GPR176: variants seen among roughly 807,000 people sequenced by gnomAD.
GPR176 encodes G-protein coupled receptor 176.
A neutral mutation model predicts 35.4 loss-of-function variants in GPR176; 26 were observed. That is an observed-to-expected ratio of 0.74 (90% CI 0.54 to 1.02). The LOEUF (loss-of-function observed/expected upper bound fraction) is 1.02. GPR176 is among the 50% of genes least tolerant of loss of function. The pLI, the probability that GPR176 is intolerant of heterozygous loss-of-function variation, is 0.00. For synonymous variants in GPR176, 278 were observed against 271.3 expected (o/e 1.02, Z -0.24); for missense variants, 597 against 665.3 (o/e 0.90, Z 1.13).
intron 1 of GPR176, among the ~76,000 whole-genome samples, chr15:39,916,402 G>C (rs1440150860): frequency 1.3e-5 from 2 of 152,128 alleles, no homozygotes; most frequent in Non-Finnish European, 2.9e-5. Flanking sequence ...CATATTATTT[G>C]AATAATATTA....
intron 1 of GPR176, among the ~76,000 whole-genome samples, chr15:39,892,907 C>T (rs1017996562): frequency 1.3e-5 from 2 of 152,222 alleles, no homozygotes; most frequent in Non-Finnish European, 2.9e-5. Flanking sequence ...GAAACTAATG[C>T]GGCCAAGCTC....
intron 1 of GPR176, among the ~76,000 whole-genome samples, chr15:39,879,513 T>C (rs180911172): frequency 1.3e-5 from 2 of 152,316 alleles, no homozygotes; most frequent in East Asian, 3.9e-4. Flanking sequence ...AACTGTACTC[T>C]CAAACCCTCA....
In GPR176 at chr15:39,850,701, A is replaced by C. The variant is rs184942447; in HGVS notation, c.173-43443T>G. On this transcript the variant is annotated intron_variant, in intron 1 of 2. Transcript: ENST00000561100. Reference sequence around the variant, plus strand: ...CTGTGATATTGTACTACAATAATGCAAAATGTTACCATCGGGGGACATTGG... The same window carrying C: ...CTGTGATATTGTACTACAATAATGCCAAATGTTACCATCGGGGGACATTGG... 1.2e-3 allele frequency among the ~76,000 whole-genome samples: 189 copies of C among 152,256 alleles called. 1 individual carries two copies. The highest frequency in any genetic ancestry group is 0.01 in the Middle Eastern group (3 of 294).
At chr15:39,916,266 T>C (rs2033723442) in intron 1 of GPR176, among the ~76,000 whole-genome samples, 1 of 152,240 alleles carries the variant, frequency 6.6e-6, no homozygotes. Flanking sequence ...TAAAAGTGAT[T>C]GGTGCCATTG....
chr15:39,856,232 CCA>C (rs2031208267), intron 1 of GPR176, among the ~76,000 whole-genome samples: 1 of 152,200 alleles, frequency 6.6e-6, no homozygotes, highest in Admixed American at 6.5e-5. Flanking sequence ...TCCAAAATAG[CCA>C]CACACCTTTA....
intron 1 of GPR176, among the ~76,000 whole-genome samples, chr15:39,854,082 A>G (rs949539892): frequency 6.6e-6 from 1 of 152,100 alleles, no homozygotes; most frequent in Non-Finnish European, 1.5e-5. Context: ...TATTGAGGGA[A>G]AGGGAGGGAG....
rs926546431 is a variant in GPR176 at position 39,848,263 on chromosome 15, A to G, written c.173-41005T>C. On this transcript the variant is annotated intron_variant, in intron 1 of 2. Coordinates refer to ENST00000561100, the MANE Select transcript of GPR176 (RefSeq NM_007223.3). ...ATATAGTGATAAAAGGGTCAATCAA[A>G]TAAGAAGATATAGTAATCCTAAATG... Among the ~76,000 whole-genome samples, 3 of 152,180 alleles carry G rather than the reference A, an allele frequency of 2.0e-5. No homozygotes were observed. The South Asian group carries it at 6.2e-4, about 31-fold the overall frequency.
intron 1 of GPR176, among the ~76,000 whole-genome samples, chr15:39,871,029 A>G (rs75023139): frequency 6.6e-6 from 1 of 152,190 alleles, no homozygotes; most frequent in Non-Finnish European, 1.5e-5. Flanking sequence ...CACCTTACCC[A>G]TGACAGAATC....
chr15:39,896,801 A>C (rs2033126697), intron 1 of GPR176, among the ~76,000 whole-genome samples: 1 of 152,104 alleles, frequency 6.6e-6, no homozygotes, highest in Non-Finnish European at 1.5e-5. Context: ...AATCTCAGCT[A>C]CTCCACAGGC....
intron 1 of GPR176, among the ~76,000 whole-genome samples, chr15:39,858,090 G>T (rs1291629765): frequency 6.6e-6 from 1 of 152,092 alleles, no homozygotes; most frequent in Non-Finnish European, 1.5e-5. Flanking sequence ...ATGCTTATGT[G>T]GAGGAAGAGG....
At chr15:39,838,545 C>G (rs1901548230) in intron 1 of GPR176, among the ~76,000 whole-genome samples, 2 of 152,214 alleles carry the variant, frequency 1.3e-5, no homozygotes, top group South Asian at 4.1e-4. Flanking sequence ...AATCAATAAA[C>G]ATAACCCAGC....
chr15:39,847,008 A>G (rs2030476849), intron 1 of GPR176, among the ~76,000 whole-genome samples: 1 of 152,178 alleles, frequency 6.6e-6, no homozygotes, highest in Non-Finnish European at 1.5e-5. Context: ...AAAACTGGAA[A>G]GAGTAAAGGG....
At position 39,802,080 on chromosome 15, in the gene GPR176, C is replaced by T. The variant is rs143377453; in HGVS notation, c.600G>A (p.Leu200=). Residue 200 remains leucine, a synonymous_variant, in exon 3 of 3, where the codon TTG becomes TTA. Transcript: ENST00000561100. ...STCTEVWSNS[L]GHLVYVLVYN... The stretch of plus-strand genomic sequence containing the variant: ...ACACCAGAACGTACACCAGGTGGCC[C>T]AAGGAGTTGCTCCAGACTTCCGTGC... 2.5e-6 allele frequency: 4 copies of T among 1,614,118 alleles called. No individual in the cohort carries two copies. The highest frequency in any genetic ancestry group is 2.2e-5 in the East Asian group (1 of 44,874).
intron 1 of GPR176, among the ~76,000 whole-genome samples, chr15:39,886,553 G>C (rs942382882): frequency 6.6e-6 from 1 of 152,138 alleles, no homozygotes; most frequent in Non-Finnish European, 1.5e-5. Context: ...AAGCCTGAAT[G>C]ATCTCAAAAA....
rs560934402 is a variant in GPR176, at chr15:39,868,650, G to C, written c.172+51205C>G. Among the ~76,000 whole-genome samples, 3 of 152,214 alleles carry C rather than the reference G, an allele frequency of 2.0e-5. No homozygotes were observed. The South Asian group carries it at 6.2e-4, about 32-fold the overall frequency. On this transcript the variant is annotated intron_variant, in intron 1 of 2. Coordinates refer to ENST00000561100, the MANE Select transcript of GPR176 (RefSeq NM_007223.3). ...GTGGGTTTTTTTATTGGACTTTTAG[G>C]AATGCTCAGGATAAAGGCTTTAAGA... is the stretch of plus-strand genomic sequence containing the variant.
At chr15:39,819,122 T>C (rs957077454) in intron 1 of GPR176, among the ~76,000 whole-genome samples, 2 of 152,180 alleles carry the variant, frequency 1.3e-5, no homozygotes, top group African/African-American at 4.8e-5. Context: ...AGGAAAAGTT[T>C]TACCTAACTC....
At chr15:39,870,355 C>A (rs185958936) in intron 1 of GPR176, among the ~76,000 whole-genome samples, 1 of 152,160 alleles carries the variant, frequency 6.6e-6, no homozygotes, top group East Asian at 1.9e-4. Context: ...ATCTTGGGGG[C>A]CTACTACAGG....
intron 1 of GPR176, among the ~76,000 whole-genome samples, chr15:39,861,547 C>CAA (rs34934673): frequency 1.0e-3 from 141 of 137,302 alleles, no homozygotes; most frequent in Non-Finnish European, 1.8e-3. Context: ...GACTCCATCT[C>CAA]AAAAAAAAAA....
intron 1 of GPR176, among the ~76,000 whole-genome samples, chr15:39,841,968 T>C (rs1202764559): frequency 6.6e-6 from 1 of 152,028 alleles, no homozygotes; most frequent in Non-Finnish European, 1.5e-5. Flanking sequence ...GGGATCCCAG[T>C]TGGAGACTAC....
Sources: allele counts gnomAD v4.1 joint callset (sites outside exome capture counted in the v4.1 genomes callset), GRCh38; gene constraint gnomAD v4.1.1; transcripts MANE v1.5; gene names NCBI Gene and HGNC (gene_info 2026-07-23, HGNC 2026-07-21).